The following RBFOX3 variants were observed in gnomAD, a reference collection of about 807,000 sequenced individuals.
RBFOX3 encodes RNA binding protein fox-1 homolog 3.
Under a neutral mutation model 48.7 loss-of-function variants are expected in RBFOX3, and 17 were observed. The observed-to-expected ratio is 0.35, with a 90% CI of 0.24 to 0.52. The LOEUF (loss-of-function observed/expected upper bound fraction) is 0.52, where lower values mean the gene tolerates loss of function less well. Among genes scored for constraint, RBFOX3 ranks in the 20% least tolerant of loss-of-function variants. RBFOX3 has a pLI of 0.94. For synonymous variants in RBFOX3, 212 were observed against 209.5 expected (o/e 1.01, Z -0.10); for missense variants, 382 against 497.5 (o/e 0.77, Z 2.21).
intron 2 of RBFOX3, among the ~76,000 whole-genome samples, chr17:79,455,048 C>T (rs116835769): frequency 0.04 from 6,067 of 152,118 alleles, 393 homozygotes; most frequent in African/African-American, 0.14. Context: ...TGCACAGGCC[C>T]ACAGCAACCC....
At chr17:79,327,331 T>G (rs1034958047) in intron 2 of RBFOX3, among the ~76,000 whole-genome samples, 4 of 152,202 alleles carry the variant, frequency 2.6e-5, no homozygotes, top group African/African-American at 9.6e-5. Flanking sequence ...GGGGAGTCCT[T>G]GGCAACCTCA....
chr17:79,181,884 G>C (rs1176801513), intron 4 of RBFOX3, among the ~76,000 whole-genome samples: 3 of 151,940 alleles, frequency 2.0e-5, no homozygotes, highest in African/African-American at 4.8e-5. Flanking sequence ...TAGCTCCTTG[G>C]AGGGCCAAGG....
chr17:79,431,159 G>A (rs1555728196), intron 2 of RBFOX3, among the ~76,000 whole-genome samples: 2 of 152,204 alleles, frequency 1.3e-5, no homozygotes, highest in Admixed American at 6.5e-5. Flanking sequence ...GGGCCCAGCT[G>A]AGGAACACGA....
intron 3 of RBFOX3, among the ~76,000 whole-genome samples, chr17:79,274,094 A>C (rs2068261762): frequency 6.6e-6 from 1 of 152,164 alleles, no homozygotes; most frequent in African/African-American, 2.4e-5. Flanking sequence ...CAGCTGGCTG[A>C]GAGAAGGCGG....
At chr17:79,097,578 G>C in intron 10 of RBFOX3, 114 bp downstream of exon 10, 1 of 1,424,194 alleles carries the variant, frequency 7.0e-7, no homozygotes, top group Non-Finnish European at 9.4e-7. Context: ...GGCGACGGGA[G>C]GGCGGGGACG....
chr17:79,257,724 G>A (rs2065113320), intron 3 of RBFOX3, among the ~76,000 whole-genome samples: 1 of 152,120 alleles, frequency 6.6e-6, no homozygotes, highest in Non-Finnish European at 1.5e-5. Flanking sequence ...GGGACTACAG[G>A]CACATGGCAC....
At chr17:79,286,226 T>G (rs79814808) in intron 3 of RBFOX3, among the ~76,000 whole-genome samples, 4,619 of 152,272 alleles carry the variant, frequency 0.03, 114 homozygotes, top group East Asian at 0.068. Flanking sequence ...TTGGCTCCCA[T>G]GTCATAGTGG....
the RBFOX3 span, among the ~76,000 whole-genome samples, chr17:79,657,959 C>A: frequency 6.6e-6 from 1 of 152,114 alleles, no homozygotes; most frequent in African/African-American, 2.4e-5. Context: ...AGGACAGAGT[C>A]CCTCAAGACG....
chr17:79,124,875 T>A (rs927477749), intron 4 of RBFOX3, among the ~76,000 whole-genome samples: 1 of 151,496 alleles, frequency 6.6e-6, no homozygotes, highest in African/African-American at 2.4e-5. Context: ...TGGGAGGCTG[T>A]CGTCGGCTGG....
At chr17:79,348,316 T>C (rs1215489935) in intron 2 of RBFOX3, among the ~76,000 whole-genome samples, 1 of 152,158 alleles carries the variant, frequency 6.6e-6, no homozygotes, top group Admixed American at 6.5e-5. Context: ...CCCAAGGCAA[T>C]AGTGGCTGGA....
intron 2 of RBFOX3, among the ~76,000 whole-genome samples, chr17:79,334,977 C>G (rs562915186): frequency 1.3e-5 from 2 of 152,330 alleles, no homozygotes; most frequent in African/African-American, 2.4e-5. Context: ...ATATTCTCTG[C>G]CAGGGAACCC....
intron 4 of RBFOX3, among the ~76,000 whole-genome samples, chr17:79,139,887 G>C (rs1187961656): frequency 6.6e-6 from 1 of 152,184 alleles, no homozygotes; most frequent in Non-Finnish European, 1.5e-5. Context: ...CAGACGACGT[G>C]GGTGTCACTA....
chr17:79,647,025 CCTT>C, the RBFOX3 span, among the ~76,000 whole-genome samples: 184 of 151,422 alleles, frequency 1.2e-3, no homozygotes, highest in African/African-American at 4.3e-3. Flanking sequence ...CACCTCTCCT[CCTT>C]GATTTTATTT....
chr17:79,556,781 G>A (rs2091793262), intron 1 of RBFOX3, among the ~76,000 whole-genome samples: 2 of 152,172 alleles, frequency 1.3e-5, no homozygotes, highest in Non-Finnish European at 2.9e-5. Flanking sequence ...CCTAGGAAGG[G>A]AGGGACTTTC....
At chr17:79,442,955 A>G (rs2071454476) in intron 2 of RBFOX3, among the ~76,000 whole-genome samples, 1 of 152,220 alleles carries the variant, frequency 6.6e-6, no homozygotes, top group Non-Finnish European at 1.5e-5. Flanking sequence ...TTGGCCTTAA[A>G]GAGGTCCCAG....
At position 79,311,294 on chromosome 17, in the gene RBFOX3, A is replaced by T. The variant is rs2076817544; in HGVS notation, c.-174-3470T>A. ...TTAAAAATACAAAAATTAGCTAGGC[A>T]TGTTGGTGGGCACCTGTAGTTCCAG... On this transcript the variant is annotated intron_variant, in intron 2 of 14. Transcript: ENST00000693108. This position sits in a 1 kb window ranked among gnomAD's most constrained non-coding sequence, Gnocchi z 4.2. Among the ~76,000 whole-genome samples the T allele has an allele frequency of 6.6e-6, 1 of 152,028 alleles. No homozygotes were observed. Among genetic ancestry groups the T allele is most frequent in the South Asian group, 2.1e-4 (1 of 4,814 alleles).
intron 2 of RBFOX3, among the ~76,000 whole-genome samples, chr17:79,460,798 T>G (rs1369279272): frequency 4.6e-5 from 7 of 152,218 alleles, no homozygotes; most frequent in Admixed American, 3.9e-4. Flanking sequence ...CGTGGGAGGA[T>G]GCAGACCTGC....
intron 2 of RBFOX3, among the ~76,000 whole-genome samples, chr17:79,453,401 G>A (rs1040475143): frequency 1.3e-5 from 2 of 152,186 alleles, no homozygotes; most frequent in African/African-American, 4.8e-5. Context: ...GGCGGCAGAT[G>A]GGGAGGCTGG....
chr17:79,454,593 T>C (rs1234902071), intron 2 of RBFOX3, among the ~76,000 whole-genome samples: 1 of 152,010 alleles, frequency 6.6e-6, no homozygotes, highest in Non-Finnish European at 1.5e-5. Flanking sequence ...GTCAAGAAAG[T>C]CCAAGGAAGA....
Sources: gnomAD v4.1 joint callset for allele counts (sites outside exome capture counted in the v4.1 genomes callset) on GRCh38, gnomAD v4.1.1 for gene constraint, Gnocchi (gnomAD v3.1) non-coding constraint, MANE v1.5 for transcripts, NCBI Gene and HGNC (gene_info 2026-07-23, HGNC 2026-07-21) for gene names.